ANAPC4: variants seen among roughly 807,000 people sequenced by gnomAD.
ANAPC4 encodes the protein anaphase promoting complex subunit 4.
Under a neutral mutation model 119.8 loss-of-function variants are expected in ANAPC4, and 63 were observed. The ratio of observed to expected loss-of-function variants is 0.53; its 90% CI spans 0.43 to 0.65. ANAPC4 has a LOEUF of 0.65. ANAPC4 is among the 30% of genes least tolerant of loss of function. ANAPC4 has a pLI of 0.00. For synonymous variants in ANAPC4, 283 were observed against 318.6 expected (o/e 0.89, Z 1.19); for missense variants, 716 against 945.1 (o/e 0.76, Z 3.18).
intron 18 of ANAPC4, 121 bp from the exon 19 acceptor site, chr4:25,406,708 G>A (rs758722614): frequency 5.8e-6 from 4 of 688,654 alleles, no homozygotes; most frequent in Non-Finnish European, 9.6e-6. Context: ...AAAGAACTTT[G>A]CCAGTTTTCC....
rs183973307 is a variant in ANAPC4 at position 25,408,155 on chromosome 4, T to C, written c.1431+902T>C. ...AAGTCTGGCCTCACACAGGTGTGTATATGAAAAGGGAGAAATATTCTATTA... is the reference window on the plus strand; with the variant it reads ...AAGTCTGGCCTCACACAGGTGTGTACATGAAAAGGGAGAAATATTCTATTA... On this transcript the variant is annotated intron_variant, in intron 20 of 28. Transcript: ENST00000315368. Among the ~76,000 whole-genome samples the C allele has an allele frequency of 2.6e-5, 4 of 152,322 alleles. No individual in the cohort carries two copies. In the East Asian group the frequency reaches 7.7e-4, roughly 29 times the overall value.
At chr4:25,392,204 C>A (rs1291482894) in intron 9 of ANAPC4, 134 bp from the exon 10 acceptor site, 1 of 636,774 alleles carries the variant, frequency 1.6e-6, no homozygotes, top group African/African-American at 1.8e-5. Flanking sequence ...TGTGCTGTTT[C>A]CAAACCGTTC....
chr4:25,377,329 G>C lies in ANAPC4; in HGVS notation c.-26G>C. 6.6e-7 allele frequency: 1 copy of C among 1,513,438 alleles called. No homozygotes were observed. The highest frequency in any genetic ancestry group is 8.9e-7 in the Non-Finnish European group (1 of 1,122,648). The allele number at this position is 1,513,438 out of a possible 1,614,324, so 93.8% of individuals were successfully genotyped here. ...CCACTGGGGCCGTGTTAGTCTGCCG[G>C]TGGGGACTCTTGCAGGTACAGGCGC... On this transcript the variant is annotated 5_prime_UTR_variant, in exon 1 of 29. Coordinates refer to ENST00000315368, the MANE Select transcript of ANAPC4 (RefSeq NM_013367.3).
chr4:25,387,599 T>G (rs1379703407), intron 4 of ANAPC4, among the ~76,000 whole-genome samples: 1 of 152,242 alleles, frequency 6.6e-6, no homozygotes, highest in African/African-American at 2.4e-5. Flanking sequence ...ACTAACAGTT[T>G]AGAAGTGTTA....
At position 25,383,489 on chromosome 4, in the gene ANAPC4, G is replaced by A. The variant is rs114573919; in HGVS notation, c.368+96G>A. 3.7e-5 allele frequency: 43 copies of A among 1,173,284 alleles called. No homozygotes were observed. In the African/African-American group the frequency reaches 5.3e-4, roughly 15 times the overall value. 72.7% of individuals were successfully genotyped at this position (1,173,284 alleles called of 1,614,324 possible). Reference sequence around the variant, plus strand: ...GTATCTGAGTATTGGGTGTATGTGCGTTGTATTTAAATTTTGGTTTCAGTT... The same window carrying A: ...GTATCTGAGTATTGGGTGTATGTGCATTGTATTTAAATTTTGGTTTCAGTT... On this transcript the variant is annotated intron_variant, in intron 4 of 28. Transcript: ENST00000315368.
At chr4:25,416,881 G>T in intron 27 of ANAPC4, 1 of 219,424 alleles carries the variant, frequency 4.6e-6, no homozygotes, top group Non-Finnish European at 8.9e-6. Context: ...ACATTTTTAA[G>T]GATAGCATTA....
chr4:25,402,270 T>C (rs1723020252), intron 16 of ANAPC4, among the ~76,000 whole-genome samples: 1 of 152,176 alleles, frequency 6.6e-6, no homozygotes, highest in Non-Finnish European at 1.5e-5. Context: ...GGAAAGGGCT[T>C]TGAGATTTGG....
In ANAPC4 at chr4:25,417,612, T is replaced by G; in HGVS notation, c.2076-4T>G. 6.3e-7 allele frequency: 1 copy of G among 1,589,288 alleles called. No homozygotes were observed. Among genetic ancestry groups the G allele is most frequent in the Non-Finnish European group, 8.5e-7 (1 of 1,171,188 alleles). On this transcript the variant is annotated splice_polypyrimidine_tract_variant and splice_region_variant and intron_variant, in intron 27 of 28. Coordinates refer to ENST00000315368, the MANE Select transcript of ANAPC4 (RefSeq NM_013367.3). ...TTCCTGAGTTGGTTTTTTTCCCTCTTTAGGCTAGATGAACAGTGTAGTGCT... is the reference window on the plus strand; with the variant it reads ...TTCCTGAGTTGGTTTTTTTCCCTCTGTAGGCTAGATGAACAGTGTAGTGCT...
rs1386455306 is a variant in ANAPC4, at chr4:25,377,481, G to A, written c.54G>A (p.Gln18=). ...FPSFRVVGEK[Q]LPQEIIFLVW... ...CCTTCCGGGTGGTGGGAGAGAAGCAGCTCCCGCAGGAGATTATTTTCCTGG... is the reference window on the plus strand; with the variant it reads ...CCTTCCGGGTGGTGGGAGAGAAGCAACTCCCGCAGGAGATTATTTTCCTGG... The change falls in exon 2 of 29, where the codon CAG becomes CAA. Residue 18 remains glutamine (Q), a synonymous_variant. Coordinates refer to ENST00000315368, the MANE Select transcript of ANAPC4 (RefSeq NM_013367.3). 6.2e-7 allele frequency: 1 copy of A among 1,614,130 alleles called. No individual in the cohort carries two copies. The highest frequency in any genetic ancestry group is 2.2e-5 in the East Asian group (1 of 44,878).
chr4:25,393,711 T>G, intron 10 of ANAPC4, 94 bp from the exon 11 acceptor site: 1 of 629,894 alleles, frequency 1.6e-6, no homozygotes, highest in Non-Finnish European at 2.6e-6. Context: ...AATTCTAGAT[T>G]TCTTTGAGAC....
intron 2 of ANAPC4, among the ~76,000 whole-genome samples, chr4:25,378,438 GC>G (rs1721530654): frequency 1.3e-5 from 2 of 152,266 alleles, no homozygotes; most frequent in South Asian, 4.1e-4. Context: ...ATTTTTCAGG[GC>G]CCTCCATGAA....
chr4:25,389,341 T>G (rs1013105052), intron 7 of ANAPC4, among the ~76,000 whole-genome samples: 13 of 152,144 alleles, frequency 8.5e-5, no homozygotes, highest in Admixed American at 7.2e-4. Flanking sequence ...TTATTTTTAG[T>G]AGGGACGGGG....
intron 20 of ANAPC4, among the ~76,000 whole-genome samples, chr4:25,407,772 A>G (rs560141660): frequency 6.6e-6 from 1 of 151,982 alleles, no homozygotes. Flanking sequence ...GCTCATGCCT[A>G]TAATCCCAGC....
chr4:25,400,272 G>T (rs1328294242), intron 16 of ANAPC4, among the ~76,000 whole-genome samples: 6 of 151,870 alleles, frequency 4.0e-5, no homozygotes, highest in Admixed American at 3.9e-4. Flanking sequence ...GAGAGGAGAG[G>T]CTATAAAGAG....
intron 3 of ANAPC4, among the ~76,000 whole-genome samples, chr4:25,381,808 C>T (rs753713084): frequency 8.6e-5 from 13 of 152,000 alleles, no homozygotes; most frequent in African/African-American, 1.7e-4. Context: ...ATTAGCCAGG[C>T]GTGGTGGTGG....
At chr4:25,389,250 C>T (rs1722209713) in intron 7 of ANAPC4, among the ~76,000 whole-genome samples, 2 of 150,846 alleles carry the variant, frequency 1.3e-5, no homozygotes, top group African/African-American at 4.9e-5. Context: ...CCTCCGCCTT[C>T]CTGGTTCAAG....
intron 28 of ANAPC4, 98 bp from the exon 29 acceptor site, chr4:25,418,057 C>A: frequency 8.4e-7 from 1 of 1,188,400 alleles, no homozygotes; most frequent in Non-Finnish European, 1.2e-6. Context: ...TATAACTTTC[C>A]TATAAAACCA....
intron 16 of ANAPC4, among the ~76,000 whole-genome samples, chr4:25,398,224 C>A (rs1418578121): frequency 6.6e-6 from 1 of 152,022 alleles, no homozygotes; most frequent in Non-Finnish European, 1.5e-5. Flanking sequence ...TGTCAAATGT[C>A]AGTAAACATT....
intron 21 of ANAPC4, chr4:25,413,109 T>G (rs1259807110): frequency 1.4e-5 from 2 of 141,598 alleles, no homozygotes; most frequent in Non-Finnish European, 3.1e-5. Flanking sequence ...TTACTTCATA[T>G]GGCTATTGTA....
Sources: allele counts gnomAD v4.1 joint callset (sites outside exome capture counted in the v4.1 genomes callset), GRCh38; gene constraint gnomAD v4.1.1; transcripts MANE v1.5; gene names NCBI Gene and HGNC (gene_info 2026-07-23, HGNC 2026-07-21).